The following SRD5A1 variants were observed in gnomAD, a reference collection of about 807,000 sequenced individuals.
The protein encoded by SRD5A1 is 3-oxo-5-alpha-steroid 4-dehydrogenase 1.
SRD5A1 carries 22 observed loss-of-function variants against 28.2 expected under a neutral mutation model. That is an observed-to-expected ratio of 0.78 (90% CI 0.56 to 1.12). SRD5A1 has a LOEUF of 1.12. SRD5A1 is among the 50% of genes most tolerant of loss of function. SRD5A1 has a pLI of 0.00. For synonymous variants in SRD5A1, 151 were observed against 135.0 expected (o/e 1.12, Z -0.82); for missense variants, 300 against 346.7 (o/e 0.87, Z 1.07).
intron 1 of SRD5A1, 102 bp from the exon 2 acceptor site, chr5:6,651,740 T>C: frequency 9.1e-7 from 1 of 1,092,930 alleles, no homozygotes; most frequent in Non-Finnish European, 1.3e-6. Flanking sequence ...ATGACATTTG[T>C]ACAAGAAAGT....
At chr5:6,656,301 G>A in intron 3 of SRD5A1, 122 bp downstream of exon 3, 1 of 743,660 alleles carries the variant, frequency 1.3e-6, no homozygotes, top group Non-Finnish European at 2.3e-6. Context: ...TTCAGTGTAA[G>A]TCATCATTAT....
At chr5:6,636,035 G>A (rs2126522411) in intron 1 of SRD5A1, among the ~76,000 whole-genome samples, 1 of 151,768 alleles carries the variant, frequency 6.6e-6, no homozygotes, top group East Asian at 1.9e-4. Context: ...TGCTCCAAGA[G>A]GATTGGCTGG....
In SRD5A1 at chr5:6,633,448, C is replaced by A. The variant is rs1738036877; in HGVS notation, c.-129C>A. 1.8e-6 allele frequency: 2 copies of A among 1,104,648 alleles called. No individual in the cohort carries two copies. Among genetic ancestry groups the A allele is most frequent in the Non-Finnish European group, 1.2e-6 (1 of 826,778 alleles). The allele number at this position is 1,104,648 out of a possible 1,614,324, so 68.4% of individuals were successfully genotyped here. On this transcript the variant is annotated 5_prime_UTR_variant, in exon 1 of 5. Transcript: ENST00000274192. Reference sequence around the variant, plus strand: ...AAGCCTGACTTGAGAACCCTTTCTGCAGAGTCCCGGCAGTGCGGGACTCCG... The same window carrying A: ...AAGCCTGACTTGAGAACCCTTTCTGAAGAGTCCCGGCAGTGCGGGACTCCG...
chr5:6,671,674 TGGG>T lies in SRD5A1; in HGVS notation c.*3410_*3412del, dbSNP rs1385392676. 7.2e-6 allele frequency: 1 copy of T among 138,440 alleles called. No individual in the cohort carries two copies. The highest frequency in any genetic ancestry group is 1.6e-5 in the Non-Finnish European group (1 of 63,926). The allele number at this position is 138,440 out of a possible 1,614,324, so 8.6% of individuals were successfully genotyped here. ...AATGGTACAATGGACTTTGGGGACTTGGGGGGAAGGGTAAGGGGGGGTGAGGAA... is the reference window on the plus strand; with the variant it reads ...AATGGTACAATGGACTTTGGGGACTTGGGAAGGGTAAGGGGGGGTGAGGAA... On this transcript the variant is annotated 3_prime_UTR_variant, in exon 5 of 5. Coordinates refer to ENST00000274192, the MANE Select transcript of SRD5A1 (RefSeq NM_001047.4).
At position 6,669,153 on chromosome 5, in the gene SRD5A1, T is replaced by C. The variant is rs965648154; in HGVS notation, c.*885T>C. ...ATTTCTCTTTTGTAGATTTTGAGTT[T>C]TCCCTTGTAGTGTAAAGAATGATCA... On this transcript the variant is annotated 3_prime_UTR_variant, in exon 5 of 5. Coordinates refer to ENST00000274192, the MANE Select transcript of SRD5A1 (RefSeq NM_001047.4). The C allele has an allele frequency of 2.0e-5, 3 of 152,238 alleles. No homozygotes were observed. Among genetic ancestry groups the C allele is most frequent in the Non-Finnish European group, 4.4e-5 (3 of 68,046 alleles). The allele number at this position is 152,238 out of a possible 1,614,324, so 9.4% of individuals were successfully genotyped here. A position where few individuals can be genotyped will look rare whatever the true frequency, so the allele number is the denominator to read the frequency against.
intron 1 of SRD5A1, among the ~76,000 whole-genome samples, chr5:6,649,490 A>G (rs1255119484): frequency 6.6e-6 from 1 of 152,218 alleles, no homozygotes; most frequent in Non-Finnish European, 1.5e-5. Context: ...GTCAACCTCA[A>G]ACTGCTCTGG....
intron 1 of SRD5A1, among the ~76,000 whole-genome samples, chr5:6,648,174 T>C (rs1357272905): frequency 6.6e-6 from 1 of 152,232 alleles, no homozygotes; most frequent in Non-Finnish European, 1.5e-5. Flanking sequence ...CTTCCCTTTA[T>C]GGGTAACCAG....
At chr5:6,656,207 T>TAC in intron 3 of SRD5A1, 28 bp downstream of exon 3, 2 of 1,582,648 alleles carry the variant, frequency 1.3e-6, no homozygotes, top group Non-Finnish European at 1.7e-6. Context: ...AGAATTTCTG[T>TAC]GAAAGTTGCT....
intron 1 of SRD5A1, among the ~76,000 whole-genome samples, chr5:6,648,436 T>G (rs577575575): frequency 6.6e-6 from 1 of 152,366 alleles, no homozygotes; most frequent in South Asian, 2.1e-4. Flanking sequence ...AGATTTGGTC[T>G]TTTCACATAG....
intron 4 of SRD5A1, among the ~76,000 whole-genome samples, chr5:6,664,431 A>G (rs248795): frequency 0.64 from 96,739 of 151,926 alleles, 32,490 homozygotes; most frequent in African/African-American, 0.86. Flanking sequence ...TTAAGACAGC[A>G]TCTCACTCTG....
chr5:6,644,592 A>G (rs1478105387), intron 1 of SRD5A1, among the ~76,000 whole-genome samples: 3 of 152,082 alleles, frequency 2.0e-5, no homozygotes, highest in Non-Finnish European at 4.4e-5. Context: ...TCAGCTTGGT[A>G]CACTGAGGGG....
At chr5:6,646,009 A>T (rs1190627608) in intron 1 of SRD5A1, among the ~76,000 whole-genome samples, 21 of 151,470 alleles carry the variant, frequency 1.4e-4, no homozygotes, top group Admixed American at 1.1e-3. Flanking sequence ...CCCACCCCAC[A>T]ACAGGCCCCA....
At chr5:6,664,002 C>T (rs1051389780) in intron 4 of SRD5A1, among the ~76,000 whole-genome samples, 1 of 152,128 alleles carries the variant, frequency 6.6e-6, no homozygotes, top group African/African-American at 2.4e-5. Context: ...ATCTCATTGA[C>T]GGGAAGAGAT....
chr5:6,646,153 G>C (rs1241170079), intron 1 of SRD5A1, among the ~76,000 whole-genome samples: 1 of 152,180 alleles, frequency 6.6e-6, no homozygotes. Flanking sequence ...CATCATCCAT[G>C]TCCCTGCAAA....
intron 3 of SRD5A1, among the ~76,000 whole-genome samples, chr5:6,656,506 CCCT>C (rs1444703556): frequency 2.0e-5 from 3 of 152,254 alleles, no homozygotes; most frequent in African/African-American, 7.2e-5. Flanking sequence ...GATACTTTGA[CCCT>C]CCTCTGAAAA....
At chr5:6,657,250 T>C (rs1383277657) in intron 3 of SRD5A1, among the ~76,000 whole-genome samples, 1 of 152,132 alleles carries the variant, frequency 6.6e-6, no homozygotes, top group Non-Finnish European at 1.5e-5. Flanking sequence ...CCAGACGTGA[T>C]GGTAGTGTGA....
chr5:6,655,628 C>A lies in SRD5A1; in HGVS notation c.461-450C>A, dbSNP rs539804120. ...GGAACTGCCACCCTTCAAGGGGTGA[C>A]GTACAGCCAGTGGTGACAGAGCAGC... On this transcript the variant is annotated intron_variant, in intron 2 of 4. Coordinates refer to ENST00000274192, the MANE Select transcript of SRD5A1 (RefSeq NM_001047.4). 2.8e-4 allele frequency among the ~76,000 whole-genome samples: 43 copies of A among 152,326 alleles called. No individual in the cohort carries two copies. In the South Asian group the frequency reaches 8.7e-3, roughly 31 times the overall value.
At chr5:6,668,145 C>A in intron 4 of SRD5A1, 57 bp from the exon 5 acceptor site, 2 of 1,065,120 alleles carry the variant, frequency 1.9e-6, no homozygotes, top group Non-Finnish European at 2.7e-6. Flanking sequence ...CTTTTGTTAG[C>A]ATTGGTTAAA....
Position 6,664,031 on chromosome 5 carries a change from T to A in SRD5A1, c.713+1065T>A, listed in dbSNP as rs536815119. ...AAGAGATCTCAGGAGCAACGTGGGA[T>A]CTTTACCTGCCCTGACATTGGCGCG... On this transcript the variant is annotated intron_variant, in intron 4 of 4. Coordinates refer to ENST00000274192, the MANE Select transcript of SRD5A1 (RefSeq NM_001047.4). Among the ~76,000 whole-genome samples, 5 of 152,172 alleles carry A rather than the reference T, an allele frequency of 3.3e-5. No individual in the cohort carries two copies. In the South Asian group the frequency reaches 1.0e-3, roughly 32 times the overall value.
Sources: allele counts gnomAD v4.1 joint callset (sites outside exome capture counted in the v4.1 genomes callset), GRCh38; gene constraint gnomAD v4.1.1; transcripts MANE v1.5; gene names NCBI Gene and HGNC (gene_info 2026-07-23, HGNC 2026-07-21).